Variants in ST8SIA5 observed in about 807,000 individuals in gnomAD.
The protein encoded by ST8SIA5 is alpha-2,8-sialyltransferase 8E.
A neutral mutation model predicts 40.2 loss-of-function variants in ST8SIA5; 24 were observed. The observed-to-expected ratio is 0.60, with a 90% CI of 0.43 to 0.84. ST8SIA5 has a LOEUF of 0.84. Among genes scored for constraint, ST8SIA5 ranks in the 40% least tolerant of loss-of-function variants. The pLI is 0.00. For missense variants in ST8SIA5, 465 were observed against 498.5 expected (o/e 0.93, Z 0.64); for synonymous variants, 198 against 201.8 (o/e 0.98, Z 0.16).
Position 46,674,301 on chromosome 18 carries a change from C to G in ST8SIA5, c.*5741G>C, listed in dbSNP as rs185897983. 2 of 152,104 alleles carry G rather than the reference C, an allele frequency of 1.3e-5. No individual in the cohort carries two copies. The highest frequency in any genetic ancestry group is 4.8e-5 in the African/African-American group (2 of 41,384). 9.4% of individuals were successfully genotyped at this position (152,104 alleles called of 1,614,324 possible). A position where few individuals can be genotyped will look rare whatever the true frequency, so the allele number is the denominator to read the frequency against. On this transcript the variant is annotated 3_prime_UTR_variant, in exon 7 of 7. Coordinates refer to ENST00000315087, the MANE Select transcript of ST8SIA5 (RefSeq NM_013305.6). ...GGCTAGCCAGCAAAAAGCAGATGAG[C>G]AGGATTATAATGAGGGAAAACAAAA...
At chr18:46,716,992 C>G (rs917104537) in intron 1 of ST8SIA5, among the ~76,000 whole-genome samples, 2 of 152,232 alleles carry the variant, frequency 1.3e-5, no homozygotes, top group Non-Finnish European at 2.9e-5. Flanking sequence ...GGCTGACAGT[C>G]AGCTCTGCTG....
intron 1 of ST8SIA5, among the ~76,000 whole-genome samples, chr18:46,748,245 T>A (rs567500186): frequency 0.28 from 40,049 of 145,532 alleles, 5,469 homozygotes; most frequent in African/African-American, 0.3. Flanking sequence ...AATTAATTAA[T>A]TTAAAAAAAT....
chr18:46,751,539 G>T (rs59166390), intron 1 of ST8SIA5, among the ~76,000 whole-genome samples: 1 of 151,738 alleles, frequency 6.6e-6, no homozygotes, highest in South Asian at 2.1e-4. Context: ...TGGGATTACA[G>T]GTGTGTGCCA....
chr18:46,708,845 C>A, intron 1 of ST8SIA5, among the ~76,000 whole-genome samples: 1 of 152,166 alleles, frequency 6.6e-6, no homozygotes, highest in East Asian at 1.9e-4. Context: ...GTATCAAAAC[C>A]TCTTCCTTCA....
intron 1 of ST8SIA5, among the ~76,000 whole-genome samples, chr18:46,750,604 C>G (rs1231192250): frequency 6.6e-6 from 1 of 152,164 alleles, no homozygotes; most frequent in East Asian, 1.9e-4. Context: ...GCCAACCCAG[C>G]AGACACCTCA....
Position 46,670,812 on chromosome 18 carries a change from C to T in ST8SIA5, c.*9230G>A, listed in dbSNP as rs1349024166. On this transcript the variant is annotated 3_prime_UTR_variant, in exon 7 of 7. Coordinates refer to ENST00000315087, the MANE Select transcript of ST8SIA5 (RefSeq NM_013305.6). ...GAACAAGTAAACTAGTTTTGGTCTT[C>T]TTAATGCCATCACAATTTAGGCTAT... 1 of 151,934 alleles carries T rather than the reference C, an allele frequency of 6.6e-6. No individual in the cohort carries two copies. The allele number at this position is 151,934 out of a possible 1,614,324, so 9.4% of individuals were successfully genotyped here.
At chr18:46,736,241 T>A (rs1272264359) in intron 1 of ST8SIA5, among the ~76,000 whole-genome samples, 10 of 152,228 alleles carry the variant, frequency 6.6e-5, no homozygotes, top group Admixed American at 5.2e-4. Flanking sequence ...ACACTTCCAG[T>A]GCTCAGTAGT....
At chr18:46,742,812 G>A (rs1335693299) in intron 1 of ST8SIA5, among the ~76,000 whole-genome samples, 1 of 152,146 alleles carries the variant, frequency 6.6e-6, no homozygotes, top group Non-Finnish European at 1.5e-5. Context: ...CTCCCAGTAG[G>A]GACTGACAGA....
chr18:46,721,332 C>A (rs1407488953), intron 1 of ST8SIA5: 3 of 1,531,806 alleles, frequency 2.0e-6, no homozygotes, highest in South Asian at 2.4e-5. Context: ...GAGCTTCCCC[C>A]ACTCCCTGGC....
At chr18:46,738,297 C>T (rs2040054947) in intron 1 of ST8SIA5, among the ~76,000 whole-genome samples, 1 of 149,652 alleles carries the variant, frequency 6.7e-6, no homozygotes, top group Non-Finnish European at 1.5e-5. Flanking sequence ...GAGACGGAAT[C>T]CGGGAGTAAG....
intron 2 of ST8SIA5, among the ~76,000 whole-genome samples, chr18:46,700,158 T>A (rs956766020): frequency 1.3e-5 from 2 of 152,246 alleles, no homozygotes; most frequent in African/African-American, 2.4e-5. Context: ...CAAATCATCA[T>A]GGAGTCGTTC....
At chr18:46,690,692 C>A (rs1373232599) in intron 3 of ST8SIA5, among the ~76,000 whole-genome samples, 2 of 147,798 alleles carry the variant, frequency 1.4e-5, no homozygotes, top group African/African-American at 5.0e-5. Flanking sequence ...CCACTCACTG[C>A]AACCTCCACC....
At chr18:46,752,214 C>T (rs1166167778) in intron 1 of ST8SIA5, among the ~76,000 whole-genome samples, 1 of 152,154 alleles carries the variant, frequency 6.6e-6, no homozygotes, top group Non-Finnish European at 1.5e-5. Context: ...TCAAATGCCT[C>T]CATGTACCTT....
chr18:46,753,971 C>T (rs2040218305), intron 1 of ST8SIA5, among the ~76,000 whole-genome samples: 1 of 152,144 alleles, frequency 6.6e-6, no homozygotes, highest in South Asian at 2.1e-4. Context: ...AATGGTCCTC[C>T]AGTTGGTTCT....
intron 1 of ST8SIA5, among the ~76,000 whole-genome samples, chr18:46,707,587 A>G (rs1296538846): frequency 6.6e-6 from 1 of 152,184 alleles, no homozygotes; most frequent in Admixed American, 6.5e-5. Flanking sequence ...GGTGGTGCTT[A>G]GGTAGAGAGG....
At chr18:46,702,854 G>A (rs540735298) in intron 2 of ST8SIA5, among the ~76,000 whole-genome samples, 1 of 152,366 alleles carries the variant, frequency 6.6e-6, no homozygotes, top group African/African-American at 2.4e-5. Flanking sequence ...AAACTGATAG[G>A]TGGTGTCTGT....
intron 1 of ST8SIA5, among the ~76,000 whole-genome samples, chr18:46,725,204 T>C (rs886111719): frequency 6.6e-6 from 1 of 152,172 alleles, no homozygotes; most frequent in Non-Finnish European, 1.5e-5. Context: ...CTTCTACTCC[T>C]AAAAGTCTTT....
intron 1 of ST8SIA5, among the ~76,000 whole-genome samples, chr18:46,715,052 T>C (rs968087387): frequency 6.6e-6 from 1 of 152,220 alleles, no homozygotes; most frequent in Non-Finnish European, 1.5e-5. Flanking sequence ...ATCAGGTTCA[T>C]GGGACCAATG....
chr18:46,727,998 C>A (rs2039948124), intron 1 of ST8SIA5, among the ~76,000 whole-genome samples: 1 of 152,020 alleles, frequency 6.6e-6, no homozygotes, highest in African/African-American at 2.4e-5. Flanking sequence ...GGATCGAGAC[C>A]ATCCTGGCCA....
Sources: allele counts gnomAD v4.1 joint callset (sites outside exome capture counted in the v4.1 genomes callset), GRCh38; gene constraint gnomAD v4.1.1; transcripts MANE v1.5; gene names NCBI Gene and HGNC (gene_info 2026-07-23, HGNC 2026-07-21).